The following TENM1 variants were observed in gnomAD, a reference collection of about 807,000 sequenced individuals.
The protein encoded by TENM1 is teneurin-1.
TENM1 carries 35 observed loss-of-function variants against 174.8 expected under a neutral mutation model. The observed-to-expected ratio is 0.20, with a 90% CI of 0.15 to 0.27. The LOEUF (loss-of-function observed/expected upper bound fraction) is 0.27. Ranked by LOEUF, TENM1 falls within the 10% of genes least tolerant of loss-of-function variation. The pLI is 1.00. For missense variants in TENM1, 1,633 were observed against 2,130.1 expected, an observed-to-expected ratio of 0.77 and a Z score of 4.59; for synonymous variants, 781 against 798.7, an observed-to-expected ratio of 0.98 and a Z score of 0.37.
At chrX:124,814,235 C>T (rs963134931) in intron 3 of TENM1, among the ~76,000 whole-genome samples, 2 of 111,564 alleles carry the variant, frequency 1.8e-5, no homozygotes, top group Non-Finnish European at 3.8e-5. Context: ...GCCTAACTTA[C>T]TAGGCTATGT....
intron 23 of TENM1, among the ~76,000 whole-genome samples, chrX:124,444,994 T>C (rs1365272394): frequency 1.8e-5 from 2 of 111,784 alleles, no homozygotes; most frequent in African/African-American, 6.5e-5. Flanking sequence ...ACTTATTGGT[T>C]GTGCGGCCTT....
chrX:124,758,898 G>A (rs2054336097), intron 3 of TENM1, among the ~76,000 whole-genome samples: 1 of 111,439 alleles, frequency 9.0e-6, no homozygotes, highest in African/African-American at 3.3e-5. Context: ...GAGGGAAGTT[G>A]TTTAATGGGT....
chrX:124,944,177 TTAAA>T (rs2058369070), intron 1 of TENM1, among the ~76,000 whole-genome samples: 1 of 111,771 alleles, frequency 8.9e-6, no homozygotes, highest in Admixed American at 9.6e-5. Flanking sequence ...CAACTGGACA[TTAAA>T]TAAATTAATC....
rs767818936 is a variant in TENM1 at position 124,708,319 on chromosome X, G to A, written c.777-3068C>T. On this transcript the variant is annotated intron_variant, in intron 4 of 31. Transcript: ENST00000422452. ...AGAGAATTTTGCTTCAGTATCATGAGGTTAAAAATTTTTTAAAGGACTGGG... is the reference window on the plus strand; with the variant it reads ...AGAGAATTTTGCTTCAGTATCATGAAGTTAAAAATTTTTTAAAGGACTGGG... Among the ~76,000 whole-genome samples the A allele has an allele frequency of 2.7e-5, 3 of 111,576 alleles. No individual in the cohort carries two copies. In the Admixed American group the frequency reaches 2.9e-4, roughly 11 times the overall value.
rs113057569 is a variant in TENM1 at position 124,674,980 on chromosome X, C to T, written c.1016-3145G>A. Among the ~76,000 whole-genome samples, 1,025 of 110,989 alleles carry T rather than the reference C, an allele frequency of 9.2e-3. 10 individuals are homozygous for T. Among genetic ancestry groups the T allele is most frequent in the African/African-American group, 0.032 (981 of 30,588 alleles). Reference sequence around the variant, plus strand: ...ACTTTCCTGGCGGCACTTGAAAATGCGAGAAAATGCATGTGGTGAGATTCA... The same window carrying T: ...ACTTTCCTGGCGGCACTTGAAAATGTGAGAAAATGCATGTGGTGAGATTCA... On this transcript the variant is annotated intron_variant, in intron 5 of 31. Transcript: ENST00000422452.
At chrX:124,690,590 T>C (rs1603009081) in intron 5 of TENM1, among the ~76,000 whole-genome samples, 1 of 108,907 alleles carries the variant, frequency 9.2e-6, no homozygotes, top group African/African-American at 3.4e-5. Context: ...CAGGTTGAAA[T>C]TGGATTCCAA....
At chrX:124,555,981 TCAG>T (rs2048683765) in intron 14 of TENM1, among the ~76,000 whole-genome samples, 1 of 112,030 alleles carries the variant, frequency 8.9e-6, no homozygotes, top group African/African-American at 3.2e-5. Flanking sequence ...TACTCCCAGA[TCAG>T]CAGCAGACAA....
intron 11 of TENM1, among the ~76,000 whole-genome samples, chrX:124,606,583 T>C (rs1487505064): frequency 9.0e-6 from 1 of 111,371 alleles, no homozygotes; most frequent in Non-Finnish European, 1.9e-5. Context: ...GTCTAAGATT[T>C]TGTCTGGATC....
chrX:124,762,958 C>A (rs1182693077), intron 3 of TENM1, among the ~76,000 whole-genome samples: 1 of 110,970 alleles, frequency 9.0e-6, no homozygotes, highest in Non-Finnish European at 1.9e-5. Flanking sequence ...ACTGACTAAC[C>A]TCATTCCAAA....
At chrX:124,555,255 T>C (rs915451216) in intron 14 of TENM1, among the ~76,000 whole-genome samples, 54 of 111,815 alleles carry the variant, frequency 4.8e-4, no homozygotes, top group Non-Finnish European at 2.3e-4. Flanking sequence ...AGGGCATATA[T>C]ACATGCTGTT....
intron 11 of TENM1, among the ~76,000 whole-genome samples, chrX:124,625,356 T>C (rs2050611795): frequency 9.0e-6 from 1 of 111,207 alleles, no homozygotes; most frequent in Non-Finnish European, 1.9e-5. Flanking sequence ...ATAATTACCA[T>C]AATCATCACT....
intron 3 of TENM1, among the ~76,000 whole-genome samples, chrX:124,785,832 A>C (rs2055022354): frequency 8.9e-6 from 1 of 112,235 alleles, no homozygotes; most frequent in Non-Finnish European, 1.9e-5. Flanking sequence ...ATAAATATTC[A>C]AAATGGTGAC....
chrX:125,196,092 T>C, the TENM1 span, among the ~76,000 whole-genome samples: 4 of 110,965 alleles, frequency 3.6e-5, no homozygotes, highest in South Asian at 1.5e-3. Flanking sequence ...AAATGTAAGA[T>C]TATTCTCAAG....
chrX:125,156,835 A>G, the TENM1 span, among the ~76,000 whole-genome samples: 1 of 112,324 alleles, frequency 8.9e-6, no homozygotes, highest in Non-Finnish European at 1.9e-5. Context: ...GAAATGCCAA[A>G]CTGCTTTCCA....
At position 124,883,566 on chromosome X, in the gene TENM1, C is replaced by G. The variant is rs139619611; in HGVS notation, c.535+10730G>C. Among the ~76,000 whole-genome samples the G allele has an allele frequency of 8.8e-3, 992 of 112,444 alleles. 18 individuals carry two copies. The highest frequency in any genetic ancestry group is 0.029 in the African/African-American group (897 of 30,983). On this transcript the variant is annotated intron_variant, in intron 3 of 31. Transcript: ENST00000422452. ...GGTTTCCAGAAAGCTTGCTCAAGTG[C>G]TGGCAATTGCAGCAGTGGACCAAGT...
At chrX:124,848,010 C>G (rs1243045431) in intron 3 of TENM1, among the ~76,000 whole-genome samples, 1 of 110,988 alleles carries the variant, frequency 9.0e-6, no homozygotes, top group Non-Finnish European at 1.9e-5. Context: ...TTTAAGGGGT[C>G]TCTAATCATG....
At chrX:124,798,322 T>C (rs2055356620) in intron 3 of TENM1, among the ~76,000 whole-genome samples, 1 of 111,708 alleles carries the variant, frequency 9.0e-6, no homozygotes, top group Non-Finnish European at 1.9e-5. Flanking sequence ...TGTACAAGCA[T>C]TCCTATTTCT....
intron 4 of TENM1, among the ~76,000 whole-genome samples, chrX:124,723,696 G>A (rs1163646637): frequency 4.7e-5 from 5 of 106,156 alleles, no homozygotes; most frequent in Non-Finnish European, 9.6e-5. Flanking sequence ...CGCCTCCCGG[G>A]TTCCAGCGAT....
intron 3 of TENM1, among the ~76,000 whole-genome samples, chrX:124,889,577 T>C (rs1272266933): frequency 9.0e-6 from 1 of 110,923 alleles, no homozygotes; most frequent in African/African-American, 3.3e-5. Flanking sequence ...ATAGCCACAC[T>C]CTTGCCCTGA....
Sources: allele counts gnomAD v4.1 joint callset (sites outside exome capture counted in the v4.1 genomes callset), GRCh38; gene constraint gnomAD v4.1.1; transcripts MANE v1.5; gene names NCBI Gene and HGNC (gene_info 2026-07-23, HGNC 2026-07-21).